Variants in LRRC37B observed in about 807,000 individuals in gnomAD.
LRRC37B encodes leucine-rich repeat-containing protein 37B.
Under a neutral mutation model 98.3 loss-of-function variants are expected in LRRC37B, and 28 were observed. The observed-to-expected ratio is 0.28, with a 90% confidence interval of 0.21 to 0.39. The LOEUF is 0.39. Among genes scored for constraint, LRRC37B ranks in the 10% least tolerant of loss-of-function variants. The probability of loss-of-function intolerance (pLI) is 1.00; values close to 1 mark genes in which losing one functional copy is unlikely to be tolerated. For missense variants in LRRC37B, 938 were observed against 1,182.7 expected, an observed-to-expected ratio of 0.79 and a Z score of 3.03; for synonymous variants, 364 against 442.7, an observed-to-expected ratio of 0.82 and a Z score of 2.23.
rs1386782121 is a variant in LRRC37B at position 32,010,282 on chromosome 17, T to C, written c.-191+2150T>C. 2.0e-5 allele frequency among the ~76,000 whole-genome samples: 3 copies of C among 152,246 alleles called. No homozygotes were observed. The East Asian group carries it at 5.8e-4, about 29-fold the overall frequency. The stretch of plus-strand genomic sequence containing the variant: ...AAGCAGTCGTAGACAATATGTAATG[T>C]CTATAGAATGAGAATAGCTGTTCCG... On this transcript the variant is annotated intron_variant, in intron 1 of 14. Transcript: ENST00000543378.
At chr17:32,022,527 A>G in exon 1 of LRRC37B, 1 of 1,613,680 alleles carries the variant, frequency 6.2e-7, no homozygotes, top group Non-Finnish European at 8.5e-7. Flanking sequence ...CACTACAGAG[A>G]TTGGACATTC....
intron 6 of LRRC37B, 41 bp downstream of exon 9, chr17:32,035,022 T>C (rs752455134): frequency 1.5e-6 from 2 of 1,336,322 alleles, no homozygotes; most frequent in Non-Finnish European, 2.1e-6. Flanking sequence ...AGATGATTTA[T>C]GCTTTTTAAA....
At chr17:32,027,363 TTGTGTGTGTGCTTG>T (rs1397891734) in intron 2 of LRRC37B, among the ~76,000 whole-genome samples, 6 of 144,298 alleles carry the variant, frequency 4.2e-5, no homozygotes, top group East Asian at 2.1e-4. Flanking sequence ...GTGTGTGTGC[TTGTGTGTGTGCTTG>T]TGTGTGTGTG....
chr17:32,010,499 CT>C (rs1910501781), intron 1 of LRRC37B, among the ~76,000 whole-genome samples: 1 of 152,168 alleles, frequency 6.6e-6, no homozygotes, highest in African/African-American at 2.4e-5. Context: ...TCCACACCTT[CT>C]TTTTTCACTG....
At chr17:32,038,743 G>A (rs1312553894) in intron 7 of LRRC37B, among the ~76,000 whole-genome samples, 8 of 151,802 alleles carry the variant, frequency 5.3e-5, no homozygotes, top group South Asian at 2.1e-4. Context: ...CTGTAATCCC[G>A]GCTACTCAGG....
At chr17:32,039,479 A>ATAT (rs1911346507) in intron 7 of LRRC37B, among the ~76,000 whole-genome samples, 2 of 38,852 alleles carry the variant, frequency 5.1e-5, no homozygotes, top group Non-Finnish European at 9.1e-5. Flanking sequence ...CCTGCCTAAA[A>ATAT]ATATATATAT....
intron 1 of LRRC37B, among the ~76,000 whole-genome samples, chr17:32,023,412 C>T (rs1910860083): frequency 1.3e-5 from 2 of 152,272 alleles, no homozygotes; most frequent in South Asian, 2.1e-4. Context: ...CGTGAGCCAC[C>T]GCGCCTGGCC....
chr17:32,012,211 C>G (rs1220984676), intron 1 of LRRC37B, among the ~76,000 whole-genome samples: 1 of 152,124 alleles, frequency 6.6e-6, no homozygotes, highest in Admixed American at 6.5e-5. Context: ...TCTGCTTGTT[C>G]TAGTGATTAC....
upstream of LRRC37B, among the ~76,000 whole-genome samples, chr17:32,007,565 C>G (rs956466201): frequency 6.6e-6 from 1 of 151,988 alleles, no homozygotes; most frequent in African/African-American, 2.4e-5. The surrounding 1 kb of genome is among the most constrained non-coding windows in gnomAD (Gnocchi z 4.1). Flanking sequence ...GCGCCCGGCC[C>G]TCCCCGTCAG....
At chr17:32,008,925 G>A (rs1910469102) in intron 1 of LRRC37B, among the ~76,000 whole-genome samples, 1 of 152,144 alleles carries the variant, frequency 6.6e-6, no homozygotes, top group African/African-American at 2.4e-5. Context: ...CATGTTTTTT[G>A]TATGAACGCA....
chr17:32,053,457 A>T (rs1911813589), exon 12 of LRRC37B: 2 of 655,558 alleles, frequency 3.1e-6, no homozygotes, highest in Non-Finnish European at 5.2e-6. Context: ...GAGAATTTTT[A>T]ACAATAATAA....
exon 1 of LRRC37B, chr17:32,021,663 G>A (rs774623530): frequency 6.2e-7 from 1 of 1,614,090 alleles, no homozygotes; most frequent in African/African-American, 1.3e-5. Flanking sequence ...TGAAATACTT[G>A]TTCCACTAGA....
exon 1 of LRRC37B, chr17:32,022,087 G>T (rs1460481129): frequency 1.9e-5 from 31 of 1,613,460 alleles, no homozygotes; most frequent in Middle Eastern, 1.7e-4. Flanking sequence ...TCTATGGAGA[G>T]TCTAGCTCAA....
intron 1 of LRRC37B, among the ~76,000 whole-genome samples, chr17:32,023,027 G>C (rs1007495256): frequency 2.0e-5 from 3 of 151,470 alleles, no homozygotes; most frequent in African/African-American, 7.3e-5. Context: ...TTTTTCTCCA[G>C]TCTTTTACTC....
upstream of LRRC37B, chr17:32,020,935 G>A (rs908209869): frequency 1.4e-6 from 2 of 1,449,136 alleles, no homozygotes; most frequent in African/African-American, 2.9e-5. Flanking sequence ...GGGGAGGGGT[G>A]TTCCGGCCTG....
At chr17:32,041,458 G>A (rs1376641605) in intron 7 of LRRC37B, 1 of 696,242 alleles carries the variant, frequency 1.4e-6, no homozygotes, top group Non-Finnish European at 2.7e-6. Context: ...TGGTACCAGG[G>A]CATGCTGGAC....
At chr17:32,034,584 A>G (rs1033322952) in intron 5 of LRRC37B, among the ~76,000 whole-genome samples, 1 of 151,472 alleles carries the variant, frequency 6.6e-6, no homozygotes, top group Non-Finnish European at 1.5e-5. Flanking sequence ...AGTGTTTCCT[A>G]CAGAGTCAGG....
chr17:32,031,227 A>T, intron 4 of LRRC37B, 151 bp from the exon 8 acceptor site: 2 of 1,289,776 alleles, frequency 1.6e-6, no homozygotes, highest in Non-Finnish European at 2.1e-6. Context: ...TAAAGTATAA[A>T]CCATAAGCCA....
At chr17:32,027,489 G>T (rs1054908073) in intron 2 of LRRC37B, among the ~76,000 whole-genome samples, 1 of 149,362 alleles carries the variant, frequency 6.7e-6, no homozygotes, top group African/African-American at 2.5e-5. Context: ...GCTTGTGTGT[G>T]GGTGTGCTTG....
Sources: gnomAD v4.1 joint callset for allele counts (sites outside exome capture counted in the v4.1 genomes callset) on GRCh38, gnomAD v4.1.1 for gene constraint, Gnocchi (gnomAD v3.1) non-coding constraint, MANE v1.5 for transcripts, NCBI Gene and HGNC (gene_info 2026-07-23, HGNC 2026-07-21) for gene names.